Variants in THSD7B observed in about 807,000 individuals in gnomAD.
The protein encoded by THSD7B is thrombospondin type 1 domain containing 7B.
A neutral mutation model predicts 213.6 loss-of-function variants in THSD7B; 138 were observed. That is an observed-to-expected ratio of 0.65 (90% CI 0.56 to 0.74). THSD7B has a LOEUF of 0.74. THSD7B is among the 30% of genes least tolerant of loss of function. The pLI, the probability that THSD7B is intolerant of heterozygous loss-of-function variation, is 0.00. For synonymous variants in THSD7B, 742 were observed against 687.0 expected (o/e 1.08, Z -1.25); for missense variants, 1,931 against 1,991.5 (o/e 0.97, Z 0.58).
intron 2 of THSD7B, among the ~76,000 whole-genome samples, chr2:136,904,130 ATT>A (rs1311761507): frequency 6.6e-6 from 1 of 152,132 alleles, no homozygotes; most frequent in Admixed American, 6.6e-5. Context: ...TTCTCCTTTA[ATT>A]AAATAATATT....
chr2:137,402,465 A>G (rs1295234245), intron 12 of THSD7B, among the ~76,000 whole-genome samples: 1 of 152,130 alleles, frequency 6.6e-6, no homozygotes, highest in African/African-American at 2.4e-5. Context: ...TTATAAACAT[A>G]TTCAAAAGAA....
chr2:137,372,938 A>C (rs1685563952), intron 12 of THSD7B, among the ~76,000 whole-genome samples: 1 of 143,340 alleles, frequency 7.0e-6, no homozygotes, highest in African/African-American at 2.6e-5. Flanking sequence ...ATGAGTGTGA[A>C]TATGTGGTGT....
chr2:137,044,619 A>G lies in THSD7B; in HGVS notation c.140-11801A>G, dbSNP rs577246569. Among the ~76,000 whole-genome samples, 79 of 152,182 alleles carry G rather than the reference A, an allele frequency of 5.2e-4. 1 individual carries two copies. Among genetic ancestry groups the G allele is most frequent in the Non-Finnish European group, 9.1e-4 (62 of 68,028 alleles). On this transcript the variant is annotated intron_variant, in intron 2 of 27. Coordinates refer to ENST00000409968, the MANE Select transcript of THSD7B (RefSeq NM_001316349.2). Reference sequence around the variant, plus strand: ...AAGTTTAATTTCTAAATTAGACACAATAAGATTAATAACCATAATAAAACA... The same window carrying G: ...AAGTTTAATTTCTAAATTAGACACAGTAAGATTAATAACCATAATAAAACA...
chr2:136,968,598 A>T (rs548737380), intron 2 of THSD7B, among the ~76,000 whole-genome samples: 1 of 152,168 alleles, frequency 6.6e-6, no homozygotes. Context: ...TTAAAGTGAG[A>T]AGTTCTTAAT....
chr2:137,296,209 G>A (rs1683460056), intron 12 of THSD7B, among the ~76,000 whole-genome samples: 1 of 152,112 alleles, frequency 6.6e-6, no homozygotes, highest in Non-Finnish European at 1.5e-5. Flanking sequence ...CATGTTATAT[G>A]TGGTTTACAA....
At chr2:137,080,392 T>TA (rs1491576838) in intron 3 of THSD7B, among the ~76,000 whole-genome samples, 1 of 118,516 alleles carries the variant, frequency 8.4e-6, no homozygotes, top group Admixed American at 8.6e-5. Flanking sequence ...TTTTTTTTTT[T>TA]AAATAGAGAC....
intron 2 of THSD7B, among the ~76,000 whole-genome samples, chr2:137,011,882 T>C (rs1163918548): frequency 2.0e-5 from 3 of 152,226 alleles, no homozygotes; most frequent in African/African-American, 7.2e-5. Context: ...CATCATTGTT[T>C]GTTAAAAGGA....
chr2:137,114,010 T>A (rs1216463017), intron 4 of THSD7B, among the ~76,000 whole-genome samples: 1 of 152,200 alleles, frequency 6.6e-6, no homozygotes, highest in East Asian at 1.9e-4. Context: ...TGTTAGGGAT[T>A]TGTCACTATG....
intron 20 of THSD7B, among the ~76,000 whole-genome samples, chr2:137,634,996 TC>T (rs2104855517): frequency 6.6e-6 from 1 of 152,260 alleles, no homozygotes; most frequent in East Asian, 1.9e-4. Context: ...TGCCATTCAA[TC>T]CTTTTTGTTT....
chr2:137,011,625 C>A (rs1686232371), intron 2 of THSD7B, among the ~76,000 whole-genome samples: 1 of 152,172 alleles, frequency 6.6e-6, no homozygotes, highest in African/African-American at 2.4e-5. Context: ...ATCTTTCCAA[C>A]TCTGGTGCAC....
chr2:136,997,667 A>G (rs1685919821), intron 2 of THSD7B, among the ~76,000 whole-genome samples: 1 of 152,198 alleles, frequency 6.6e-6, no homozygotes, highest in African/African-American at 2.4e-5. Context: ...AAGCTGTCTG[A>G]TTCTTGTGTC....
chr2:137,208,322 C>G lies in THSD7B; in HGVS notation c.1724-22722C>G, dbSNP rs112301857. Among the ~76,000 whole-genome samples the G allele has an allele frequency of 3.9e-5, 6 of 151,950 alleles. No individual in the cohort carries two copies. In the East Asian group the frequency reaches 1.2e-3, roughly 29 times the overall value. On this transcript the variant is annotated intron_variant, in intron 7 of 27. Coordinates refer to ENST00000409968, the MANE Select transcript of THSD7B (RefSeq NM_001316349.2). ...CCTTATCTGTCTGCTGCTAAATTAC[C>G]GAGGTTGAAAGAGTTCCTTCAGACC...
At chr2:136,965,560 A>G (rs955912409) in intron 2 of THSD7B, among the ~76,000 whole-genome samples, 2 of 152,078 alleles carry the variant, frequency 1.3e-5, no homozygotes, top group Admixed American at 1.3e-4. Flanking sequence ...TGCTTAATGA[A>G]ACCGCTTTCC....
intron 14 of THSD7B, among the ~76,000 whole-genome samples, chr2:137,426,034 A>G (rs1442215899): frequency 6.6e-6 from 1 of 152,210 alleles, no homozygotes; most frequent in Non-Finnish European, 1.5e-5. Flanking sequence ...TTTATATACT[A>G]AAACCAAACT....
intron 1 of THSD7B, among the ~76,000 whole-genome samples, chr2:136,821,392 G>GTTC (rs1682561311): frequency 6.6e-6 from 1 of 152,110 alleles, no homozygotes; most frequent in South Asian, 2.1e-4. Context: ...CTGTGTTATA[G>GTTC]TTCAGAACTC....
At chr2:136,825,092 A>G (rs1322973824) in intron 1 of THSD7B, among the ~76,000 whole-genome samples, 4 of 152,124 alleles carry the variant, frequency 2.6e-5, no homozygotes, top group Admixed American at 2.0e-4. Context: ...TCTTTTTACT[A>G]TTTTCCTTTA....
intron 15 of THSD7B, among the ~76,000 whole-genome samples, chr2:137,454,194 A>G (rs1032492729): frequency 1.6e-4 from 25 of 152,182 alleles, no homozygotes; most frequent in Admixed American, 5.2e-4. Context: ...ATAATTTTCC[A>G]TAATGGCTTT....
intron 12 of THSD7B, among the ~76,000 whole-genome samples, chr2:137,398,500 T>C (rs1431067200): frequency 1.1e-4 from 17 of 151,994 alleles, no homozygotes; most frequent in Non-Finnish European, 4.4e-5. Flanking sequence ...AGGGACCCAC[T>C]TGAGGAGGCA....
At chr2:137,300,514 A>G (rs968146188) in intron 12 of THSD7B, among the ~76,000 whole-genome samples, 2 of 152,080 alleles carry the variant, frequency 1.3e-5, no homozygotes, top group Non-Finnish European at 2.9e-5. Context: ...TTTTCTATGC[A>G]ACTGTTGTGC....
Sources: gnomAD v4.1 joint callset for allele counts (sites outside exome capture counted in the v4.1 genomes callset) on GRCh38, gnomAD v4.1.1 for gene constraint, MANE v1.5 for transcripts, NCBI Gene and HGNC (gene_info 2026-07-23, HGNC 2026-07-21) for gene names.